The following PSMD11 variants were observed in gnomAD, a reference collection of about 807,000 sequenced individuals.
PSMD11 encodes proteasome 26S subunit, non-ATPase 11.
Under a neutral mutation model 62.3 loss-of-function variants are expected in PSMD11, and 5 were observed. The ratio of observed to expected loss-of-function variants is 0.08; its 90% CI spans 0.04 to 0.17. The LOEUF is 0.17. PSMD11 is among the 10% of genes least tolerant of loss of function. PSMD11 has a pLI of 1.00. For synonymous variants in PSMD11, 191 were observed against 191.8 expected, an observed-to-expected ratio of 1.00 and a Z score of 0.03; for missense variants, 310 against 512.9, an observed-to-expected ratio of 0.60 and a Z score of 3.82.
intron 5 of PSMD11, among the ~76,000 whole-genome samples, chr17:32,465,720 T>C (rs1456986249): frequency 6.6e-6 from 1 of 152,078 alleles, no homozygotes; most frequent in African/African-American, 2.4e-5. Context: ...ATGCCTGTAA[T>C]CCCAGCACTT....
intron 2 of PSMD11, among the ~76,000 whole-genome samples, chr17:32,452,486 C>T (rs1907535016): frequency 6.6e-6 from 1 of 152,150 alleles, no homozygotes; most frequent in African/African-American, 2.4e-5. Context: ...AAAGCCATTT[C>T]AGAAGGGATG....
intron 12 of PSMD11, 107 bp downstream of exon 12, chr17:32,480,304 T>C: frequency 6.7e-7 from 1 of 1,501,142 alleles, no homozygotes; most frequent in Non-Finnish European, 9.3e-7. Flanking sequence ...TGGTTCACCC[T>C]GGGGTCCTGG....
At chr17:32,455,469 A>C (rs1434841457) in intron 3 of PSMD11, among the ~76,000 whole-genome samples, 1 of 152,184 alleles carries the variant, frequency 6.6e-6, no homozygotes, top group Non-Finnish European at 1.5e-5. Context: ...TAAGGGCAGA[A>C]TTGCTAGTTG....
At chr17:32,446,888 C>T in intron 1 of PSMD11, 57 bp from the exon 2 acceptor site, 2 of 1,248,642 alleles carry the variant, frequency 1.6e-6, no homozygotes, top group Non-Finnish European at 2.3e-6. Context: ...GTGAAATTTC[C>T]CTCAGTCTTC....
intron 3 of PSMD11, among the ~76,000 whole-genome samples, chr17:32,461,711 G>A (rs1203554046): frequency 6.6e-6 from 1 of 152,168 alleles, no homozygotes; most frequent in African/African-American, 2.4e-5. Context: ...GATAGGTAGA[G>A]TGCTGGAGTT....
At chr17:32,471,690 A>G (rs1908166194) in intron 6 of PSMD11, among the ~76,000 whole-genome samples, 1 of 152,092 alleles carries the variant, frequency 6.6e-6, no homozygotes, top group Non-Finnish European at 1.5e-5. Flanking sequence ...GCAGGACTGG[A>G]ATGGTGGTGA....
rs1304090257 is a variant in PSMD11, at chr17:32,472,541, C to CT, written c.644-1246dup. 4.2e-3 allele frequency among the ~76,000 whole-genome samples: 583 copies of CT among 138,834 alleles called. 1 individual carries two copies. Among genetic ancestry groups the CT allele is most frequent in the Non-Finnish European group, 5.6e-3 (355 of 63,594 alleles). The allele number at this position is 138,834 out of a possible 152,430, so 91.1% of individuals were successfully genotyped here. A position where few individuals can be genotyped will look rare whatever the true frequency, so the allele number is the denominator to read the frequency against. On this transcript the variant is annotated intron_variant, in intron 6 of 13. Coordinates refer to ENST00000261712, the MANE Select transcript of PSMD11 (RefSeq NM_002815.4). Reference sequence around the variant, plus strand: ...AGACGTGAGCCACTGTGCCTGACCTCTTTTTTTTTTTTTTAAGACGGAGTC... The same window carrying CT: ...AGACGTGAGCCACTGTGCCTGACCTCTTTTTTTTTTTTTTTAAGACGGAGTC...
intron 3 of PSMD11, among the ~76,000 whole-genome samples, chr17:32,460,566 G>A (rs1025859563): frequency 1.7e-4 from 26 of 152,100 alleles, no homozygotes; most frequent in African/African-American, 6.3e-4. Flanking sequence ...GAGGTTAGGA[G>A]ATCGAGACTA....
At chr17:32,451,652 A>G (rs1907502709) in intron 2 of PSMD11, among the ~76,000 whole-genome samples, 1 of 152,232 alleles carries the variant, frequency 6.6e-6, no homozygotes. Flanking sequence ...GGGACAGATT[A>G]TTTGATAAGG....
chr17:32,458,293 G>A (rs1410172687), intron 3 of PSMD11, among the ~76,000 whole-genome samples: 1 of 152,072 alleles, frequency 6.6e-6, no homozygotes, highest in African/African-American at 2.4e-5. Flanking sequence ...ATAATTAATG[G>A]TTTTCTATAA....
intron 3 of PSMD11, among the ~76,000 whole-genome samples, chr17:32,457,811 T>A (rs1333577125): frequency 6.6e-6 from 1 of 151,448 alleles, no homozygotes; most frequent in African/African-American, 2.4e-5. Flanking sequence ...CTTTTTTTTT[T>A]TTTCCCCGAG....
rs376327399 is a variant in PSMD11, at chr17:32,479,353, A to G, written c.1015A>G (p.Ile339Val). ...NLLEQNLIRV[I>V]EPFSRVQIEH... ...ACTAGAACAGAATCTGATCCGAGTC[A>G]TTGAGCCTTTTTCCAGAGTACAGGT... Residue 339 changes from isoleucine to valine, a missense_variant, in exon 10 of 14, where the codon ATT becomes GTT. By Grantham distance (29) the Ile-to-Val change is conservative. Around this residue, in one of 6 missense-constraint regions of PSMD11, gnomAD observed 135 missense variants for 195.4 expected, o/e 0.69. Transcript: ENST00000261712. The G allele has an allele frequency of 6.2e-7, 1 of 1,614,038 alleles. No individual in the cohort carries two copies. The highest frequency in any genetic ancestry group is 1.3e-5 in the African/African-American group (1 of 74,932).
chr17:32,478,340 A>G (rs567865807), intron 9 of PSMD11, among the ~76,000 whole-genome samples: 2 of 152,278 alleles, frequency 1.3e-5, no homozygotes, highest in East Asian at 3.9e-4. Flanking sequence ...GCTCTTGCCA[A>G]TTCCTATTGC....
intron 6 of PSMD11, among the ~76,000 whole-genome samples, chr17:32,472,580 C>T (rs1254985879): frequency 6.6e-6 from 1 of 151,132 alleles, no homozygotes; most frequent in Non-Finnish European, 1.5e-5. Context: ...CTCTGTCGCC[C>T]AAGTTGGAGT....
At chr17:32,461,477 A>T (rs1033339161) in intron 3 of PSMD11, among the ~76,000 whole-genome samples, 3 of 151,382 alleles carry the variant, frequency 2.0e-5, no homozygotes, top group Admixed American at 2.0e-4. Flanking sequence ...AGGCTGAGGC[A>T]GGAGAAGTGC....
intron 2 of PSMD11, among the ~76,000 whole-genome samples, chr17:32,449,645 T>C (rs1192290759): frequency 2.0e-5 from 3 of 152,158 alleles, no homozygotes; most frequent in Non-Finnish European, 4.4e-5. Context: ...AGATGAATTA[T>C]AAGAACTTTC....
Position 32,480,508 on chromosome 17 carries a change from G to A in PSMD11, c.1146G>A (p.Glu382=). The change falls in exon 13 of 14, where the codon GAG becomes GAA. Residue 382 remains glutamate (E), a synonymous_variant. Transcript: ENST00000261712. ...TTGCAGGGATTTTGGACCAGGGGGAGGGTGTCCTGATTATTTTCGATGAAC... is the reference window on the plus strand; with the variant it reads ...TTGCAGGGATTTTGGACCAGGGGGAAGGTGTCCTGATTATTTTCGATGAAC... The part of the protein sequence containing the change: ...KKFHGILDQG[E]GVLIIFDEPP... 6.2e-7 allele frequency: 1 copy of A among 1,614,200 alleles called. No homozygotes were observed.
chr17:32,464,252 T>G, intron 4 of PSMD11, 132 bp downstream of exon 4: 1 of 905,314 alleles, frequency 1.1e-6, no homozygotes, highest in South Asian at 1.5e-5. Context: ...TTATTGATGG[T>G]AGCCCCACTT....
chr17:32,478,157 T>TG (rs1908385423), intron 9 of PSMD11, among the ~76,000 whole-genome samples: 1 of 152,240 alleles, frequency 6.6e-6, no homozygotes, highest in African/African-American at 2.4e-5. Context: ...AAAGCCTGTC[T>TG]GGGCATTAGG....
Sources: allele counts gnomAD v4.1 joint callset (sites outside exome capture counted in the v4.1 genomes callset), GRCh38; gene constraint gnomAD v4.1.1; regional missense constraint gnomAD v4.1.1; transcripts MANE v1.5; gene names NCBI Gene and HGNC (gene_info 2026-07-23, HGNC 2026-07-21).